Variants in PLS1 observed in about 807,000 individuals in gnomAD.
PLS1 encodes plastin-1.
A neutral mutation model predicts 73.7 loss-of-function variants in PLS1; 32 were observed. The observed-to-expected ratio is 0.43, with a 90% CI of 0.33 to 0.58. PLS1 has a LOEUF of 0.58. Among genes scored for constraint, PLS1 ranks in the 20% least tolerant of loss-of-function variants. The pLI is 0.04. For missense variants in PLS1, 633 were observed against 740.5 expected, an observed-to-expected ratio of 0.85 and a Z score of 1.68; for synonymous variants, 217 against 261.3, an observed-to-expected ratio of 0.83 and a Z score of 1.63.
At chr3:142,670,377 A>G (rs1463295979) in intron 3 of PLS1, among the ~76,000 whole-genome samples, 1 of 152,242 alleles carries the variant, frequency 6.6e-6, no homozygotes, top group African/African-American at 2.4e-5. Flanking sequence ...ACTCAGAATC[A>G]GGTCACACAG....
chr3:142,631,232 A>G (rs1230671044), intron 1 of PLS1, among the ~76,000 whole-genome samples: 1 of 151,308 alleles, frequency 6.6e-6, no homozygotes, highest in Non-Finnish European at 1.5e-5. Flanking sequence ...CAAAAAAAAA[A>G]GGCCAGCATG....
intron 10 of PLS1, among the ~76,000 whole-genome samples, chr3:142,692,452 T>C (rs2038105535): frequency 6.6e-6 from 1 of 152,160 alleles, no homozygotes; most frequent in South Asian, 2.1e-4. Flanking sequence ...CATATATCTT[T>C]GTAATGCTTT....
At chr3:142,655,947 A>G (rs1335433517) in intron 1 of PLS1, among the ~76,000 whole-genome samples, 1 of 152,060 alleles carries the variant, frequency 6.6e-6, no homozygotes, top group East Asian at 1.9e-4. Context: ...GGCTGTTGGC[A>G]ATCAAATTAA....
At chr3:142,644,261 T>G (rs1343131120) in intron 1 of PLS1, among the ~76,000 whole-genome samples, 4 of 151,876 alleles carry the variant, frequency 2.6e-5, no homozygotes. Flanking sequence ...TGTTTTTTGT[T>G]TTTTTTTGAG....
chr3:142,624,946 GGAT>G (rs201286946), intron 1 of PLS1, among the ~76,000 whole-genome samples: 6,163 of 152,220 alleles, frequency 0.04, 402 homozygotes, highest in African/African-American at 0.14. Context: ...TGGAGGAGGA[GGAT>G]AACATTCTTT....
At chr3:142,637,670 C>G (rs571120201) in intron 1 of PLS1, among the ~76,000 whole-genome samples, 2 of 152,078 alleles carry the variant, frequency 1.3e-5, no homozygotes, top group Admixed American at 1.3e-4. Flanking sequence ...AAGAAAAAGC[C>G]TGTGAAAAGC....
intron 4 of PLS1, among the ~76,000 whole-genome samples, chr3:142,672,676 A>T (rs115725885): frequency 0.019 from 2,850 of 152,166 alleles, 43 homozygotes; most frequent in Non-Finnish European, 0.027. Flanking sequence ...TGGCTTGATG[A>T]TTTCTTTTAA....
chr3:142,697,433 C>T (rs1166726343), intron 11 of PLS1, among the ~76,000 whole-genome samples: 2 of 152,174 alleles, frequency 1.3e-5, no homozygotes, highest in African/African-American at 4.8e-5. Flanking sequence ...CTCTCTCATA[C>T]TCCCCTTTTC....
intron 1 of PLS1, among the ~76,000 whole-genome samples, chr3:142,604,382 G>A (rs549311941): frequency 6.6e-6 from 1 of 152,090 alleles, no homozygotes; most frequent in Admixed American, 6.6e-5. Flanking sequence ...CTTTCCTGGC[G>A]GTCTCCCTTT....
At chr3:142,673,273 C>G (rs2037646317) in intron 4 of PLS1, among the ~76,000 whole-genome samples, 1 of 152,136 alleles carries the variant, frequency 6.6e-6, no homozygotes, top group African/African-American at 2.4e-5. Context: ...TCTTGAACTC[C>G]TGGGTTCGAG....
intron 1 of PLS1, among the ~76,000 whole-genome samples, chr3:142,641,283 C>A (rs2036833684): frequency 7.0e-6 from 1 of 142,122 alleles, no homozygotes; most frequent in Non-Finnish European, 1.5e-5. Context: ...ATCTATATAT[C>A]TATATTATAT....
chr3:142,705,252 T>C (rs1205240608), intron 14 of PLS1, among the ~76,000 whole-genome samples: 1 of 152,152 alleles, frequency 6.6e-6, no homozygotes, highest in Non-Finnish European at 1.5e-5. Flanking sequence ...ACCTATAATG[T>C]TTTGTGCTCC....
intron 14 of PLS1, among the ~76,000 whole-genome samples, chr3:142,704,804 A>G (rs970858415): frequency 6.7e-6 from 1 of 148,338 alleles, no homozygotes; most frequent in African/African-American, 2.5e-5. Context: ...GCCCGCCACC[A>G]CACCCGGCTA....
At chr3:142,609,916 T>G (rs1258134948) in intron 1 of PLS1, among the ~76,000 whole-genome samples, 1 of 152,230 alleles carries the variant, frequency 6.6e-6, no homozygotes, top group East Asian at 1.9e-4. Flanking sequence ...TCGCGCAGGC[T>G]GGAGTGCAGT....
chr3:142,709,641 C>A lies in PLS1; in HGVS notation c.1630-1860C>A, dbSNP rs888353774. Among the ~76,000 whole-genome samples, 4 of 151,996 alleles carry A rather than the reference C, an allele frequency of 2.6e-5. No individual in the cohort carries two copies. The South Asian group carries it at 8.3e-4, about 32-fold the overall frequency. On this transcript the variant is annotated intron_variant, in intron 14 of 15. Coordinates refer to ENST00000457734, the MANE Select transcript of PLS1 (RefSeq NM_001145319.2). ...ACCATCCTGGCTAACACGGCGAAAC[C>A]CCATCTCTACTAAAAATACAAAAAT...
intron 1 of PLS1, among the ~76,000 whole-genome samples, chr3:142,635,481 C>A (rs2036662065): frequency 6.6e-6 from 1 of 150,694 alleles, no homozygotes; most frequent in Admixed American, 6.6e-5. Flanking sequence ...CGCGAGTCTG[C>A]AGTCCCAGCT....
At chr3:142,681,372 C>T (rs916373353) in intron 6 of PLS1, among the ~76,000 whole-genome samples, 1 of 151,984 alleles carries the variant, frequency 6.6e-6, no homozygotes, top group African/African-American at 2.4e-5. Context: ...AACATGTGAA[C>T]AATAATCTGG....
chr3:142,680,005 G>T (rs1041874614), intron 6 of PLS1, among the ~76,000 whole-genome samples: 6 of 152,018 alleles, frequency 3.9e-5, no homozygotes, highest in African/African-American at 1.4e-4. Context: ...TTGTAAGTTG[G>T]ATTCCTAGGT....
intron 10 of PLS1, among the ~76,000 whole-genome samples, chr3:142,690,628 T>G (rs1301729810): frequency 6.6e-6 from 1 of 152,212 alleles, no homozygotes; most frequent in African/African-American, 2.4e-5. Flanking sequence ...ATGTAAAATC[T>G]TTATCCTTCT....
Sources: gnomAD v4.1 joint callset for allele counts (sites outside exome capture counted in the v4.1 genomes callset) on GRCh38, gnomAD v4.1.1 for gene constraint, MANE v1.5 for transcripts, NCBI Gene and HGNC (gene_info 2026-07-23, HGNC 2026-07-21) for gene names.